CNTNAP4: variants seen among roughly 807,000 people sequenced by gnomAD.
The protein encoded by CNTNAP4 is contactin associated protein family member 4, also known as contactin-associated protein-like 4.
CNTNAP4 carries 98 observed loss-of-function variants against 148.4 expected under a neutral mutation model. The ratio of observed to expected loss-of-function variants is 0.66; its 90% confidence interval spans 0.56 to 0.78. The LOEUF is 0.78. CNTNAP4 is among the 30% of genes least tolerant of loss of function. The probability of loss-of-function intolerance (pLI) is 0.00; values close to 1 mark genes in which losing one functional copy is unlikely to be tolerated. For synonymous variants in CNTNAP4, 730 were observed against 565.1 expected, an observed-to-expected ratio of 1.29 and a Z score of -4.14; for missense variants, 1,935 against 1,565.6, an observed-to-expected ratio of 1.24 and a Z score of -3.98.
At chr16:76,341,407 A>G (rs2144351417) in intron 2 of CNTNAP4, among the ~76,000 whole-genome samples, 1 of 152,326 alleles carries the variant, frequency 6.6e-6, no homozygotes, top group South Asian at 2.1e-4. Flanking sequence ...ACTAATAAGG[A>G]CTCAAACTAA....
chr16:76,340,512 T>A (rs1964378355), intron 2 of CNTNAP4, among the ~76,000 whole-genome samples: 1 of 152,078 alleles, frequency 6.6e-6, no homozygotes, highest in African/African-American at 2.4e-5. Flanking sequence ...CTTTGCCCTA[T>A]CCCTCTCCAA....
Position 76,558,665 on chromosome 16 carries a change from G to T in CNTNAP4, c.3909G>T (p.Gln1303His). 6.2e-7 allele frequency: 1 copy of T among 1,608,586 alleles called. No homozygotes were observed. The highest frequency in any genetic ancestry group is 1.1e-5 in the South Asian group (1 of 89,832). The change falls in exon 24 of 24, where the codon CAG (glutamine) becomes CAT (histidine). Residue 1303 changes from glutamine to histidine, a missense_variant. By Grantham distance (24) the Gln-to-His change is conservative. Transcript: ENST00000611870. ...TACAAAATGCAGTCAATGAAAATCA[G>T]AAAGAGTACTTCTTCTGATTGGCAG... ...LNIQNAVNEN[Q>H]KEYFF is the part of the protein sequence containing the mutation.
chr16:76,396,738 T>G (rs941268380), intron 3 of CNTNAP4, among the ~76,000 whole-genome samples: 2 of 152,196 alleles, frequency 1.3e-5, no homozygotes, highest in Non-Finnish European at 2.9e-5. Flanking sequence ...TATCAGCCAG[T>G]GCTACCAGGC....
intron 15 of CNTNAP4, among the ~76,000 whole-genome samples, chr16:76,499,706 G>A (rs927559794): frequency 1.7e-4 from 25 of 149,682 alleles, no homozygotes; most frequent in Non-Finnish European, 3.0e-4. Context: ...GGGCCCTGCT[G>A]CCTTCCGCAG....
intron 1 of CNTNAP4, chr16:76,287,791 A>G (rs1194885521): frequency 6.6e-6 from 1 of 152,116 alleles, no homozygotes; most frequent in Non-Finnish European, 1.5e-5. Flanking sequence ...TACCTACTAC[A>G]CATATTATTG....
chr16:76,499,507 A>G (rs1597744276), intron 15 of CNTNAP4, among the ~76,000 whole-genome samples: 1 of 151,794 alleles, frequency 6.6e-6, no homozygotes, highest in East Asian at 1.9e-4. Context: ...GTTTATTTCT[A>G]TAGAGCTAAT....
intron 4 of CNTNAP4, among the ~76,000 whole-genome samples, chr16:76,440,875 C>T (rs2080011818): frequency 6.6e-6 from 1 of 152,056 alleles, no homozygotes; most frequent in Non-Finnish European, 1.5e-5. Context: ...CAAGTGACAA[C>T]CCCTCAAAAT....
intron 3 of CNTNAP4, among the ~76,000 whole-genome samples, chr16:76,366,871 C>T (rs2014200405): frequency 6.6e-6 from 1 of 152,020 alleles, no homozygotes; most frequent in African/African-American, 2.4e-5. Context: ...TGATTAAATG[C>T]AAGGATGTAT....
chr16:76,509,997 T>G lies in CNTNAP4; in HGVS notation c.2366-11143T>G, dbSNP rs900265525. On this transcript the variant is annotated intron_variant, in intron 15 of 23. Coordinates refer to ENST00000611870, the MANE Select transcript of CNTNAP4 (RefSeq NM_033401.5). ...ATAATTCACAGCCTATAATTCACCC[T>G]TTTAAAAGTGTACAGTTCAATCAAT... Among the ~76,000 whole-genome samples, 33 of 96,264 alleles carry G rather than the reference T, an allele frequency of 3.4e-4. 2 individuals carry two copies. The highest frequency in any genetic ancestry group is 7.8e-4 in the African/African-American group (30 of 38,600). 63.2% of individuals were successfully genotyped at this position (96,264 alleles called of 152,430 possible). A position where few individuals can be genotyped will look rare whatever the true frequency, so the allele number is the denominator to read the frequency against.
chr16:76,377,736 C>G (rs1259813712), intron 3 of CNTNAP4, among the ~76,000 whole-genome samples: 8 of 151,928 alleles, frequency 5.3e-5, no homozygotes, highest in Admixed American at 5.2e-4. Context: ...TCATTTTTTT[C>G]TTTTGGCACC....
rs1170845758 is a variant in CNTNAP4, at chr16:76,322,867, C to G, written c.196+6344C>G. Reference sequence around the variant, plus strand: ...TTGTTTTTTTTTTGAGACAGTCTTACTTTGTCACCTACGCTACAGTGCAGT... The same window carrying G: ...TTGTTTTTTTTTTGAGACAGTCTTAGTTTGTCACCTACGCTACAGTGCAGT... On this transcript the variant is annotated intron_variant, in intron 2 of 23. Transcript: ENST00000611870. Among the ~76,000 whole-genome samples the G allele has an allele frequency of 2.7e-5, 4 of 150,218 alleles. No individual in the cohort carries two copies. In the East Asian group the frequency reaches 7.8e-4, roughly 29 times the overall value.
intron 13 of CNTNAP4, among the ~76,000 whole-genome samples, chr16:76,491,033 A>G (rs2082200278): frequency 6.6e-6 from 1 of 152,104 alleles, no homozygotes; most frequent in African/African-American, 2.4e-5. Flanking sequence ...TCGTTCTGAC[A>G]TTTGAACCCT....
chr16:76,363,640 A>G (rs2013718791), intron 3 of CNTNAP4, among the ~76,000 whole-genome samples: 1 of 152,236 alleles, frequency 6.6e-6, no homozygotes. Context: ...TGAAAAATAA[A>G]CAAGTGGAAC....
At chr16:76,339,934 T>C (rs1394097103) in intron 2 of CNTNAP4, among the ~76,000 whole-genome samples, 1 of 152,192 alleles carries the variant, frequency 6.6e-6, no homozygotes, top group East Asian at 1.9e-4. Flanking sequence ...CATGGGAAAG[T>C]TGATATTTTA....
intron 2 of CNTNAP4, among the ~76,000 whole-genome samples, chr16:76,348,631 G>A (rs1189562300): frequency 1.3e-5 from 2 of 152,160 alleles, no homozygotes; most frequent in African/African-American, 2.4e-5. Flanking sequence ...CATTGAGAAT[G>A]ATCACTAGTA....
At chr16:76,429,977 A>G (rs940369023) in intron 4 of CNTNAP4, among the ~76,000 whole-genome samples, 5 of 152,178 alleles carry the variant, frequency 3.3e-5, no homozygotes, top group Non-Finnish European at 1.5e-5. Flanking sequence ...TTAAAGGAGA[A>G]AAAGTAATAA....
intron 3 of CNTNAP4, among the ~76,000 whole-genome samples, chr16:76,371,049 A>G (rs1431290831): frequency 2.0e-5 from 3 of 152,170 alleles, no homozygotes; most frequent in African/African-American, 7.2e-5. Context: ...CATTTTTGCC[A>G]CATAATCGAC....
intron 1 of CNTNAP4, among the ~76,000 whole-genome samples, chr16:76,314,054 C>G (rs1003773387): frequency 6.6e-6 from 1 of 152,132 alleles, no homozygotes; most frequent in Non-Finnish European, 1.5e-5. Flanking sequence ...TTCCCTCGCT[C>G]TTTGTGCTTT....
chr16:76,394,881 C>A (rs1326523078), intron 3 of CNTNAP4, among the ~76,000 whole-genome samples: 1 of 151,982 alleles, frequency 6.6e-6, no homozygotes, highest in Non-Finnish European at 1.5e-5. Context: ...TGTCTTCTCC[C>A]CCAGTCTAAA....
Sources: gnomAD v4.1 joint callset for allele counts (sites outside exome capture counted in the v4.1 genomes callset) on GRCh38, gnomAD v4.1.1 for gene constraint, MANE v1.5 for transcripts, NCBI Gene and HGNC (gene_info 2026-07-23, HGNC 2026-07-21) for gene names.